SYNE1: variants seen among roughly 807,000 people sequenced by gnomAD.
SYNE1 encodes spectrin repeat containing nuclear envelope protein 1, also known as nesprin-1.
A neutral mutation model predicts 1,111.0 loss-of-function variants in SYNE1; 616 were observed. That is an observed-to-expected ratio of 0.55 (90% CI 0.52 to 0.59). SYNE1 has a LOEUF of 0.59. Among genes scored for constraint, SYNE1 ranks in the 20% least tolerant of loss-of-function variants. The probability of loss-of-function intolerance (pLI) is 0.00; values close to 1 mark genes in which losing one functional copy is unlikely to be tolerated. For missense variants in SYNE1, 10,006 were observed against 10,417.0 expected (o/e 0.96, Z 1.72); for synonymous variants, 3,855 against 3,825.8 (o/e 1.01, Z -0.28).
intron 66 of SYNE1, among the ~76,000 whole-genome samples, chr6:152,356,843 C>A (rs1446435420): frequency 6.6e-6 from 1 of 152,122 alleles, no homozygotes; most frequent in Non-Finnish European, 1.5e-5. Context: ...CACACGAATA[C>A]CGGCTTAAGT....
Position 152,269,280 on chromosome 6 carries a change from C to T in SYNE1, c.18580G>A (p.Ala6194Thr). The change falls in exon 99 of 146, where the codon GCA (alanine) becomes ACA (threonine). Residue 6194 changes from alanine (A) to threonine (T), a missense_variant. Ala to Thr is a moderately conservative substitution (Grantham distance 58). Around this residue, in one of 7 missense-constraint regions of SYNE1, gnomAD observed 2,182 missense variants for 2,287.8 expected, o/e 0.95. Coordinates refer to ENST00000367255, the MANE Select transcript of SYNE1 (RefSeq NM_182961.4). ...ACATCGCTCTCCTCCTTCTCCTGTG[C>T]TGTTCCCTGCTTTTAACGAGGCAGA... ...HDKQLNMQGTAQEKEESDVDL... is the reference protein window; with the variant it reads ...HDKQLNMQGTTQEKEESDVDL... The T allele has an allele frequency of 6.2e-7, 1 of 1,614,156 alleles. No homozygotes were observed. Among genetic ancestry groups the T allele is most frequent in the Non-Finnish European group, 8.5e-7 (1 of 1,180,044 alleles).
At chr6:152,574,174 A>T (rs2099486511) in intron 3 of SYNE1, among the ~76,000 whole-genome samples, 2 of 141,288 alleles carry the variant, frequency 1.4e-5, no homozygotes, top group African/African-American at 2.7e-5. Context: ...ATATATATAC[A>T]CACATATATA....
intron 63 of SYNE1, among the ~76,000 whole-genome samples, chr6:152,363,304 C>A (rs1427525530): frequency 6.8e-6 from 1 of 147,268 alleles, no homozygotes; most frequent in Admixed American, 6.7e-5. Flanking sequence ...GCCATCCTGG[C>A]TAACACAGTG....
intron 47 of SYNE1, 133 bp downstream of exon 47, chr6:152,401,005 T>A: frequency 3.7e-6 from 3 of 810,752 alleles, no homozygotes; most frequent in Non-Finnish European, 6.1e-6. Flanking sequence ...CTGTGTTCAA[T>A]GTCATAAATA....
At chr6:152,460,524 A>G (rs890013389) in intron 21 of SYNE1, among the ~76,000 whole-genome samples, 1 of 151,934 alleles carries the variant, frequency 6.6e-6, no homozygotes, top group Non-Finnish European at 1.5e-5. Flanking sequence ...AGGGTCTTCT[A>G]CTTTGTTTCT....
chr6:152,624,079 C>G (rs949731132), intron 3 of SYNE1, among the ~76,000 whole-genome samples: 1 of 152,088 alleles, frequency 6.6e-6, no homozygotes, highest in Non-Finnish European at 1.5e-5. Flanking sequence ...AGCTATATCT[C>G]CAAGGGTAAA....
intron 82 of SYNE1, among the ~76,000 whole-genome samples, chr6:152,322,269 A>G (rs559761232): frequency 1.3e-5 from 2 of 152,316 alleles, no homozygotes; most frequent in South Asian, 4.1e-4. Flanking sequence ...GAAAAAAATC[A>G]AGCTTTGGAA....
intron 101 of SYNE1, 146 bp downstream of exon 101, chr6:152,261,886 T>G (rs937979571): frequency 5.2e-6 from 3 of 575,652 alleles, no homozygotes; most frequent in Non-Finnish European, 5.8e-6. Flanking sequence ...AATAGACTTG[T>G]TAAGAAAAAT....
At chr6:152,217,150 T>G (rs1341348080) in intron 121 of SYNE1, among the ~76,000 whole-genome samples, 1 of 149,434 alleles carries the variant, frequency 6.7e-6, no homozygotes, top group African/African-American at 2.5e-5. Flanking sequence ...ATCCCAGCAC[T>G]TTGGGAGGCT....
At chr6:152,442,300 T>G in intron 30 of SYNE1, 55 bp from the exon 31 acceptor site, 1 of 1,602,906 alleles carries the variant, frequency 6.2e-7, no homozygotes, top group Admixed American at 1.7e-5. Flanking sequence ...AACAGCTAAG[T>G]AGGGACATCA....
chr6:152,353,763 G>A lies in SYNE1; in HGVS notation c.10927-19C>T, dbSNP rs765562019. Reference sequence around the variant, plus strand: ...GCCACTTCTGAAATGACAAAGTATCGAAGGGAAAGATTCAATCTTAGCCAT... The same window carrying A: ...GCCACTTCTGAAATGACAAAGTATCAAAGGGAAAGATTCAATCTTAGCCAT... On this transcript the variant is annotated intron_variant, in intron 67 of 145. Transcript: ENST00000367255. 25 of 1,613,088 alleles carry A rather than the reference G, an allele frequency of 1.5e-5. No homozygotes were observed. Among genetic ancestry groups the A allele is most frequent in the East Asian group, 2.2e-5 (1 of 44,894 alleles).
At chr6:152,545,276 AAT>A (rs967790024) in intron 3 of SYNE1, among the ~76,000 whole-genome samples, 6 of 152,154 alleles carry the variant, frequency 3.9e-5, no homozygotes, top group Non-Finnish European at 5.9e-5. Context: ...TATCACATTT[AAT>A]ATATATATTA....
intron 126 of SYNE1, among the ~76,000 whole-genome samples, chr6:152,203,110 CA>C (rs2075842065): frequency 1.3e-5 from 2 of 152,120 alleles, no homozygotes; most frequent in South Asian, 4.1e-4. Context: ...AAAGGTTACA[CA>C]GCAAACTGGT....
chr6:152,313,835 C>G (rs1423370344), intron 87 of SYNE1, among the ~76,000 whole-genome samples: 1 of 152,168 alleles, frequency 6.6e-6, no homozygotes, highest in African/African-American at 2.4e-5. Flanking sequence ...AGTCTGCGTT[C>G]TCTCTTCAGC....
rs567819467 is a variant in SYNE1 at position 152,176,251 on chromosome 6, G to C, written c.23627+143C>G. ...AAGGTAACTAAAGTGCCACTTATGA[G>C]AGGAGCATGAACAGTTTTGAAAATG... is the stretch of plus-strand genomic sequence containing the variant. On this transcript the variant is annotated intron_variant, in intron 130 of 145. Transcript: ENST00000367255. 78 of 1,125,326 alleles carry C rather than the reference G, an allele frequency of 6.9e-5. No individual in the cohort carries two copies. The East Asian group carries it at 1.7e-3, about 24-fold the overall frequency. 69.7% of individuals were successfully genotyped at this position (1,125,326 alleles called of 1,614,324 possible).
At chr6:152,166,679 C>T (rs1180156701) in intron 130 of SYNE1, among the ~76,000 whole-genome samples, 1 of 152,196 alleles carries the variant, frequency 6.6e-6, no homozygotes, top group East Asian at 1.9e-4. Context: ...CCATTAGGGA[C>T]AAGTTCCTCT....
intron 56 of SYNE1, among the ~76,000 whole-genome samples, chr6:152,377,139 T>A (rs1418604234): frequency 6.6e-6 from 1 of 152,094 alleles, no homozygotes; most frequent in Non-Finnish European, 1.5e-5. Flanking sequence ...TAGCATCAAA[T>A]ACTGCAAAGT....
Position 152,353,291 on chromosome 6 carries a change from A to G in SYNE1, c.11225T>C (p.Met3742Thr). The G allele has an allele frequency of 1.2e-6, 2 of 1,614,178 alleles. No individual in the cohort carries two copies. Among genetic ancestry groups the G allele is most frequent in the Non-Finnish European group, 1.7e-6 (2 of 1,180,036 alleles). Residue 3742 changes from methionine (M) to threonine (T), a missense_variant, in exon 69 of 146, where the codon ATG becomes ACG. Physicochemically the swap from Met to Thr is moderately conservative, Grantham distance 81 (BLOSUM62 -1). This residue lies in a region of SYNE1 where 4,955 missense variants were observed against 5,017.2 expected (regional missense o/e 0.99). Coordinates refer to ENST00000367255, the MANE Select transcript of SYNE1 (RefSeq NM_182961.4). ...ATKIDKVDTV[M>T]MGKKLKTLEV... ...CAACGTCTTCAATTTCTTCCCCATC[A>G]TTACTGTATCTACTTTGTCAATCTT...
intron 6 of SYNE1, among the ~76,000 whole-genome samples, chr6:152,519,592 T>C (rs1316996030): frequency 1.3e-5 from 2 of 152,154 alleles, no homozygotes; most frequent in Admixed American, 1.3e-4. Flanking sequence ...ATCTTTTTCT[T>C]ACAGAACAAT....
Sources: gnomAD v4.1 joint callset for allele counts (sites outside exome capture counted in the v4.1 genomes callset) on GRCh38, gnomAD v4.1.1 for gene constraint, gnomAD v4.1.1 regional missense constraint, MANE v1.5 for transcripts, NCBI Gene and HGNC (gene_info 2026-07-23, HGNC 2026-07-21) for gene names.